The following C3orf22 variants were observed in gnomAD, a reference collection of about 807,000 sequenced individuals.
The protein encoded by C3orf22 is uncharacterized protein C3orf22.
A neutral mutation model predicts 10.8 loss-of-function variants in C3orf22; 7 were observed. The observed-to-expected ratio is 0.65, with a 90% CI of 0.37 to 1.22. The LOEUF is 1.22. Ranked by LOEUF, C3orf22 falls within the 50% of genes most tolerant of loss-of-function variation. The pLI is 0.02. For synonymous variants in C3orf22, 79 were observed against 78.9 expected, an observed-to-expected ratio of 1.00 and a Z score of 0.00; for missense variants, 173 against 177.0, an observed-to-expected ratio of 0.98 and a Z score of 0.13.
downstream of C3orf22, among the ~76,000 whole-genome samples, chr3:126,546,053 A>T (rs1937062769): frequency 6.6e-6 from 1 of 152,204 alleles, no homozygotes; most frequent in South Asian, 2.1e-4. Context: ...GTGCAATGCC[A>T]TTGGCCTGAA....
chr3:126,531,005 A>G (rs891863554), intron 4 of C3orf22, among the ~76,000 whole-genome samples: 3 of 152,246 alleles, frequency 2.0e-5, no homozygotes, highest in African/African-American at 7.2e-5. Context: ...GTTCTGGACA[A>G]TGGGCTTTAG....
intron 1 of C3orf22, 65 bp from the exon 2 acceptor site, chr3:126,553,495 G>A: frequency 3.7e-6 from 4 of 1,074,594 alleles, no homozygotes; most frequent in Non-Finnish European, 5.7e-6. Flanking sequence ...AGAGTGATGA[G>A]TACCCAGCAG....
At chr3:126,553,180 G>C in intron 2 of C3orf22, 122 bp downstream of exon 2, 1 of 775,612 alleles carries the variant, frequency 1.3e-6, no homozygotes, top group Admixed American at 1.8e-5. Flanking sequence ...GGCTGCTAAG[G>C]GTCTCCCTGT....
rs1937139261 is a variant in C3orf22, at chr3:126,549,844, A to G, written c.*24T>C. On this transcript the variant is annotated 3_prime_UTR_variant, in exon 4 of 4. Transcript: ENST00000318225. ...TGCCAAGGAGAAGGTGGCCAATAAG[A>G]AGGCCACACACAGAGCCCAGTCTCT... The G allele has an allele frequency of 6.3e-7, 1 of 1,589,586 alleles. No individual in the cohort carries two copies. The highest frequency in any genetic ancestry group is 8.6e-7 in the Non-Finnish European group (1 of 1,167,030).
At chr3:126,528,555 A>AG (rs1257572834) in intron 5 of C3orf22, among the ~76,000 whole-genome samples, 1 of 152,054 alleles carries the variant, frequency 6.6e-6, no homozygotes. Flanking sequence ...AATAGGAGAT[A>AG]GGTGAGGTGT....
chr3:126,548,581 C>T (rs908084571), downstream of C3orf22, among the ~76,000 whole-genome samples: 1 of 152,234 alleles, frequency 6.6e-6, no homozygotes, highest in Non-Finnish European at 1.5e-5. Flanking sequence ...ATCTTTGCTT[C>T]CTGCAGGTCT....
chr3:126,557,666 C>T (rs1246323348), intron 1 of C3orf22, among the ~76,000 whole-genome samples: 3 of 152,342 alleles, frequency 2.0e-5, no homozygotes, highest in Middle Eastern at 3.4e-3. Context: ...AACACACCCG[C>T]TCACCCACCG....
rs184400732 is a variant in C3orf22 at position 126,542,702 on chromosome 3, C to T, written c.286+6835G>A. 8,028 of 1,309,352 alleles carry T rather than the reference C, an allele frequency of 6.1e-3. 40 individuals carry two copies. The highest frequency in any genetic ancestry group is 7.0e-3 in the Non-Finnish European group (7,124 of 1,022,100). 81.1% of individuals were successfully genotyped at this position (1,309,352 alleles called of 1,614,324 possible). A position where few individuals can be genotyped will look rare whatever the true frequency, so the allele number is the denominator to read the frequency against. ...CCACTGCGTGCACTCACCTGGCCGC[C>T]GGGCCAGCGGGCGCAGGGCACACCT... is the stretch of plus-strand genomic sequence containing the variant. On this transcript the variant is annotated intron_variant and NMD_transcript_variant, in intron 4 of 5. Transcript: ENST00000505070.
rs1316894026 is a variant in C3orf22, at chr3:126,550,053, G to A, written c.241C>T (p.Pro81Ser). 2.5e-6 allele frequency: 4 copies of A among 1,613,930 alleles called. No homozygotes were observed. Among genetic ancestry groups the A allele is most frequent in the East Asian group, 2.2e-5 (1 of 44,858 alleles). ...AGTGGTGCCGGGCAGGAGCCAGACG[G>A]TGATGTAAAATCTGGAGCCCCGAGC... ...RGLGAPDFTS[P>S]SGSCPAPLPA... Residue 81 changes from proline to serine, a missense_variant, in exon 4 of 4, where the codon CCG becomes TCG. Pro to Ser is a moderately conservative substitution (Grantham distance 74). Transcript: ENST00000318225.
chr3:126,531,089 G>A (rs1936649308), intron 4 of C3orf22, among the ~76,000 whole-genome samples: 1 of 152,268 alleles, frequency 6.6e-6, no homozygotes, highest in Non-Finnish European at 1.5e-5. Context: ...ATTCAGCACA[G>A]ACCATATTCT....
At chr3:126,549,592 A>C, downstream of C3orf22, 1 of 1,310,246 alleles carries the variant, frequency 7.6e-7, no homozygotes, top group Admixed American at 2.1e-5. Flanking sequence ...TGCTCTTTTT[A>C]ATCCTCACAC....
intron 4 of C3orf22, among the ~76,000 whole-genome samples, chr3:126,539,555 C>T (rs1467535028): frequency 1.4e-5 from 2 of 145,648 alleles, no homozygotes; most frequent in African/African-American, 5.1e-5. Flanking sequence ...ACCGCACACA[C>T]ACTGCACACA....
chr3:126,543,211 C>T (rs1387265147), intron 4 of C3orf22: 1 of 152,246 alleles, frequency 6.6e-6, no homozygotes, highest in African/African-American at 2.4e-5. Context: ...GCCCCTGGTG[C>T]AATGCGGTCA....
At chr3:126,538,081 C>A (rs1163074452) in intron 4 of C3orf22, among the ~76,000 whole-genome samples, 1 of 152,240 alleles carries the variant, frequency 6.6e-6, no homozygotes, top group African/African-American at 2.4e-5. Flanking sequence ...TCAGGCAACT[C>A]ATTTCCCCTG....
At chr3:126,542,584 C>T (rs774980258) in intron 4 of C3orf22, 1 of 1,468,020 alleles carries the variant, frequency 6.8e-7, no homozygotes, top group East Asian at 2.7e-5. Flanking sequence ...TCTAGCGGTC[C>T]TGGAGGTCCT....
At chr3:126,534,432 G>T (rs558644893) in intron 4 of C3orf22, among the ~76,000 whole-genome samples, 1 of 152,044 alleles carries the variant, frequency 6.6e-6, no homozygotes, top group East Asian at 1.9e-4. Context: ...CCTCATCTGG[G>T]AGACAGACAG....
At chr3:126,538,725 C>T (rs115567120) in intron 4 of C3orf22, among the ~76,000 whole-genome samples, 425 of 152,312 alleles carry the variant, frequency 2.8e-3, no homozygotes, top group Non-Finnish European at 3.6e-3. Context: ...TCAGTCCTGA[C>T]GGTGGAAACA....
chr3:126,549,903 T>C lies in C3orf22; in HGVS notation c.391A>G (p.Ser131Gly), dbSNP rs1937142013. Residue 131 changes from serine (S) to glycine (G), a missense_variant, in exon 4 of 4, where the codon AGC becomes GGC. Coordinates refer to ENST00000318225, the MANE Select transcript of C3orf22 (RefSeq NM_152533.3). ...CCCCTGGACAGCCCTGCCGCCTTGC[T>C]GGTCTGGGGGCAGGCAGCCTCAGTG... ...RHTEAACPQT[S>G]KAAGLSRGLS is the part of the protein sequence containing the mutation. The C allele has an allele frequency of 2.5e-6, 4 of 1,613,978 alleles. No individual in the cohort carries two copies. Among genetic ancestry groups the C allele is most frequent in the Non-Finnish European group, 3.4e-6 (4 of 1,179,980 alleles).
At chr3:126,542,622 G>A (rs1936992721) in intron 4 of C3orf22, 3 of 1,429,552 alleles carry the variant, frequency 2.1e-6, no homozygotes, top group Non-Finnish European at 2.7e-6. Flanking sequence ...GTGCCTTTCC[G>A]ACAAGACCCC....
Sources: allele counts gnomAD v4.1 joint callset (sites outside exome capture counted in the v4.1 genomes callset), GRCh38; gene constraint gnomAD v4.1.1; transcripts MANE v1.5; gene names NCBI Gene and HGNC (gene_info 2026-07-23, HGNC 2026-07-21).